Variants in DAW1 observed in about 807,000 individuals in gnomAD.
DAW1 encodes the protein dynein assembly factor with WD repeat domains 1.
DAW1 carries 47 observed loss-of-function variants against 56.5 expected under a neutral mutation model. The ratio of observed to expected loss-of-function variants is 0.83; its 90% CI spans 0.66 to 1.06. DAW1 has a LOEUF of 1.06. Among genes scored for constraint, DAW1 ranks in the 50% least tolerant of loss-of-function variants. DAW1 has a pLI of 0.00. For synonymous variants in DAW1, 190 were observed against 179.0 expected (o/e 1.06, Z -0.49); for missense variants, 505 against 499.3 (o/e 1.01, Z -0.11).
chr2:227,913,885 G>A (rs72965738), intron 10 of DAW1, among the ~76,000 whole-genome samples: 41,374 of 92,212 alleles, frequency 0.45, 6,101 homozygotes, highest in Middle Eastern at 0.54. Context: ...CTATCTATCT[G>A]TCTGTCTGTC....
intron 3 of DAW1, among the ~76,000 whole-genome samples, chr2:227,890,648 AGAG>A (rs1331583968): frequency 6.6e-6 from 1 of 152,200 alleles, no homozygotes; most frequent in East Asian, 1.9e-4. Flanking sequence ...CGTTTCTGGA[AGAG>A]GATGTTATAG....
chr2:227,903,132 C>T, intron 7 of DAW1, 23 bp downstream of exon 7: 3 of 1,600,744 alleles, frequency 1.9e-6, no homozygotes, highest in Non-Finnish European at 2.6e-6. Context: ...TGTTAATAAG[C>T]CTGTTATTTG....
intron 11 of DAW1, among the ~76,000 whole-genome samples, chr2:227,921,156 C>T (rs1692096975): frequency 6.6e-6 from 1 of 152,124 alleles, no homozygotes; most frequent in Non-Finnish European, 1.5e-5. Context: ...GGTCTTTATT[C>T]TTAGAAATGT....
intron 1 of DAW1, among the ~76,000 whole-genome samples, chr2:227,874,665 C>T (rs999014125): frequency 9.2e-5 from 14 of 151,802 alleles, no homozygotes; most frequent in Admixed American, 7.9e-4. Context: ...AGAGCCCCAA[C>T]CTTGGATTTC....
chr2:227,895,415 A>G (rs971236502), intron 5 of DAW1: 6 of 152,232 alleles, frequency 3.9e-5, no homozygotes, highest in Admixed American at 6.5e-5. Context: ...TTCATTTACT[A>G]TAGTGTTATG....
At chr2:227,899,539 T>C (rs1292139297) in intron 6 of DAW1, among the ~76,000 whole-genome samples, 1 of 152,228 alleles carries the variant, frequency 6.6e-6, no homozygotes, top group East Asian at 1.9e-4. Context: ...TCAGTACTTT[T>C]TGAATTGAAC....
intron 10 of DAW1, chr2:227,912,154 C>T (rs1691840937): frequency 2.7e-6 from 1 of 363,854 alleles, no homozygotes; most frequent in Admixed American, 3.7e-5. Flanking sequence ...TTTCTGGAAC[C>T]AAGTATAATG....
chr2:227,897,500 C>G (rs1691438197), intron 5 of DAW1, among the ~76,000 whole-genome samples: 1 of 152,138 alleles, frequency 6.6e-6, no homozygotes, highest in Admixed American at 6.5e-5. Flanking sequence ...TCTTGAAGAG[C>G]TGGTGTAAAA....
chr2:227,873,808 G>C (rs1335653074), intron 1 of DAW1, among the ~76,000 whole-genome samples: 1 of 152,112 alleles, frequency 6.6e-6, no homozygotes. Flanking sequence ...AGCCTCCCAG[G>C]TAGCTGGAAT....
chr2:227,898,657 T>A (rs1691469131), intron 6 of DAW1, among the ~76,000 whole-genome samples: 1 of 152,142 alleles, frequency 6.6e-6, no homozygotes, highest in Non-Finnish European at 1.5e-5. Context: ...CTTTTTAGGA[T>A]TCTATTATAA....
In DAW1 at chr2:227,903,004, G is replaced by A. The variant is rs1190347222; in HGVS notation, c.543G>A (p.Val181=). ...HTFRGHTAEI[V]CLSFNPQSTL... ...TTCTCCCATTTTATGTAATTTAGGT[G>A]TGTTTATCATTTAACCCTCAAAGCA... Residue 181 remains valine, a splice_region_variant and synonymous_variant, in exon 7 of 13, where the codon GTG becomes GTA. Coordinates refer to ENST00000309931, the MANE Select transcript of DAW1 (RefSeq NM_178821.3). 1.9e-6 allele frequency: 3 copies of A among 1,613,992 alleles called. No individual in the cohort carries two copies. Among genetic ancestry groups the A allele is most frequent in the South Asian group, 2.2e-5 (2 of 91,002 alleles).
chr2:227,916,784 G>A (rs1691961387), intron 10 of DAW1, among the ~76,000 whole-genome samples: 1 of 152,088 alleles, frequency 6.6e-6, no homozygotes. Flanking sequence ...TCACACATCA[G>A]GCTATACTAT....
intron 2 of DAW1, among the ~76,000 whole-genome samples, chr2:227,886,577 G>A (rs1200075822): frequency 6.6e-6 from 1 of 152,030 alleles, no homozygotes; most frequent in Non-Finnish European, 1.5e-5. Flanking sequence ...AGATCGCGGT[G>A]CTGTACTCCA....
At chr2:227,889,729 A>G in intron 2 of DAW1, 127 bp from the exon 3 acceptor site, 1 of 741,062 alleles carries the variant, frequency 1.3e-6, no homozygotes. Flanking sequence ...CTCTTGGGAA[A>G]GATAATGGTG....
At chr2:227,907,927 A>G (rs909775823) in intron 10 of DAW1, among the ~76,000 whole-genome samples, 1 of 152,174 alleles carries the variant, frequency 6.6e-6, no homozygotes, top group Non-Finnish European at 1.5e-5. Context: ...AATCTCCTTT[A>G]CTATAACCAC....
At position 227,924,039 on chromosome 2, in the gene DAW1, G is replaced by A. The variant is rs2106221762; in HGVS notation, c.*71G>A. 2 of 1,550,398 alleles carry A rather than the reference G, an allele frequency of 1.3e-6. No individual in the cohort carries two copies. The highest frequency in any genetic ancestry group is 2.3e-5 in the East Asian group (1 of 43,670). On this transcript the variant is annotated 3_prime_UTR_variant, in exon 13 of 13. Transcript: ENST00000309931. ...AAGAACTGGAACTTCACAGACAGCA[G>A]CTCTCTTAATATTTCTTATACTTTC...
At chr2:227,911,102 T>C (rs1691803049) in intron 10 of DAW1, among the ~76,000 whole-genome samples, 1 of 151,728 alleles carries the variant, frequency 6.6e-6, no homozygotes. Context: ...TATGAAGCTA[T>C]ACTATGTCTC....
intron 11 of DAW1, among the ~76,000 whole-genome samples, chr2:227,920,296 C>G (rs1264210812): frequency 1.3e-5 from 2 of 152,194 alleles, no homozygotes; most frequent in African/African-American, 4.8e-5. Context: ...TCAACAAACA[C>G]TTTTAGAGAG....
At chr2:227,884,060 G>A (rs1469336110) in intron 1 of DAW1, among the ~76,000 whole-genome samples, 2 of 152,124 alleles carry the variant, frequency 1.3e-5, no homozygotes, top group African/African-American at 2.4e-5. Context: ...TTTTATTAGC[G>A]CTGGGCTGTT....
Sources: allele counts gnomAD v4.1 joint callset (sites outside exome capture counted in the v4.1 genomes callset), GRCh38; gene constraint gnomAD v4.1.1; transcripts MANE v1.5; gene names NCBI Gene and HGNC (gene_info 2026-07-23, HGNC 2026-07-21).